Variants in CLCN6 observed in about 807,000 individuals in gnomAD.
CLCN6 encodes the protein H(+)/Cl(-) exchange transporter 6.
CLCN6 carries 70 observed loss-of-function variants against 109.8 expected under a neutral mutation model. That is an observed-to-expected ratio of 0.64 (90% confidence interval 0.53 to 0.78). CLCN6 has a LOEUF of 0.78. Ranked by LOEUF, CLCN6 falls within the 30% of genes least tolerant of loss-of-function variation. The probability of loss-of-function intolerance (pLI) is 0.00; values close to 1 mark genes in which losing one functional copy is unlikely to be tolerated. For synonymous variants in CLCN6, 444 were observed against 447.8 expected (o/e 0.99, Z 0.11); for missense variants, 984 against 1,142.3 (o/e 0.86, Z 2.00).
At chr1:11,821,014 T>G (rs1187239836) in intron 5 of CLCN6, among the ~76,000 whole-genome samples, 3 of 149,392 alleles carry the variant, frequency 2.0e-5, no homozygotes, top group Non-Finnish European at 4.4e-5. Flanking sequence ...AGACAGAGGC[T>G]GCAGTGAGCC....
chr1:11,838,498 C>T (rs1208544788), intron 21 of CLCN6, 37 bp from the exon 22 acceptor site: 4 of 1,606,482 alleles, frequency 2.5e-6, no homozygotes, highest in African/African-American at 1.3e-5. Context: ...ATGCCGTTGG[C>T]GTCTCAGGCA....
chr1:11,840,289 G>A lies in CLCN6; in HGVS notation c.*66G>A, dbSNP rs1417754697. The A allele has an allele frequency of 5.9e-6, 8 of 1,344,680 alleles. No individual in the cohort carries two copies. Among genetic ancestry groups the A allele is most frequent in the East Asian group, 2.3e-5 (1 of 43,662 alleles). The allele number at this position is 1,344,680 out of a possible 1,614,324, so 83.3% of individuals were successfully genotyped here. On this transcript the variant is annotated 3_prime_UTR_variant, in exon 23 of 23. Transcript: ENST00000346436. ...AATCATGCTCACTCCGGCGGGCACAGCTGGCTGGGGCTGTTCCGGGGCATG... is the reference window on the plus strand; with the variant it reads ...AATCATGCTCACTCCGGCGGGCACAACTGGCTGGGGCTGTTCCGGGGCATG...
Position 11,829,249 on chromosome 1 carries a change from C to T in CLCN6, c.1175C>T (p.Ala392Val), listed in dbSNP as rs538154661. 13 of 1,614,118 alleles carry T rather than the reference C, an allele frequency of 8.1e-6. No homozygotes were observed. The East Asian group carries it at 2.7e-4, about 33-fold the overall frequency. The change falls in exon 13 of 23, where the codon GCC becomes GTC. Residue 392 changes from alanine to valine, a missense_variant. Coordinates refer to ENST00000346436, the MANE Select transcript of CLCN6 (RefSeq NM_001286.5). ...GTAACCACCGTGGTGGTGTTTGTGGCCTCGATGGTGTTAGGAGAATGCCGA... is the reference window on the plus strand; with the variant it reads ...GTAACCACCGTGGTGGTGTTTGTGGTCTCGATGGTGTTAGGAGAATGCCGA... ...SLVTTVVVFV[A>V]SMVLGECRQM...
chr1:11,836,876 C>T, intron 18 of CLCN6, 123 bp from the exon 19 acceptor site: 4 of 1,094,672 alleles, frequency 3.7e-6, no homozygotes, highest in Non-Finnish European at 5.2e-6. Flanking sequence ...GAACCTCAGC[C>T]CCATTAAGTT....
rs777127139 is a variant in CLCN6 at position 11,807,147 on chromosome 1, C to T, written c.104C>T (p.Thr35Ile). ...TTTTTCTAGACCATCCTTGGAGAAA[C>T]ACAGGAGGAGGAGGATGAGATTCTT... ...TPEELTILGE[T>I]QEEEDEILPR... Residue 35 changes from threonine to isoleucine, a missense_variant, in exon 2 of 23, where the codon ACA (threonine) becomes ATA (isoleucine). Coordinates refer to ENST00000346436, the MANE Select transcript of CLCN6 (RefSeq NM_001286.5). 1.2e-6 allele frequency: 2 copies of T among 1,614,162 alleles called. No individual in the cohort carries two copies. The highest frequency in any genetic ancestry group is 2.2e-5 in the South Asian group (2 of 91,088).
chr1:11,829,045 G>A (rs527732381), intron 12 of CLCN6, 151 bp from the exon 13 acceptor site: 30 of 879,596 alleles, frequency 3.4e-5, no homozygotes, highest in Middle Eastern at 3.6e-4. Context: ...AGCAAATCAC[G>A]GATCAATTCT....
intron 5 of CLCN6, chr1:11,820,445 A>G: frequency 1.4e-6 from 1 of 711,046 alleles, no homozygotes; most frequent in Non-Finnish European, 2.6e-6. Context: ...AATTTCTTAA[A>G]ACTCCAGAAG....
At chr1:11,810,701 C>T (rs187147536) in intron 2 of CLCN6, among the ~76,000 whole-genome samples, 6 of 152,240 alleles carry the variant, frequency 3.9e-5, no homozygotes, top group Admixed American at 6.5e-5. Flanking sequence ...GTAACAGTAT[C>T]TGGTTTTAAT....
At position 11,842,188 on chromosome 1, in the gene CLCN6, G is replaced by A. The variant is rs1349406725; in HGVS notation, c.*1965G>A. On this transcript the variant is annotated 3_prime_UTR_variant, in exon 23 of 23. Transcript: ENST00000346436. ...CCCTGCAGGAGGACCCCGGCCTCTCGAGGGCTGGATCAGCAGCCGCCTGCC... is the reference window on the plus strand; with the variant it reads ...CCCTGCAGGAGGACCCCGGCCTCTCAAGGGCTGGATCAGCAGCCGCCTGCC... 6.6e-6 allele frequency: 1 copy of A among 152,234 alleles called. No homozygotes were observed. The highest frequency in any genetic ancestry group is 1.5e-5 in the Non-Finnish European group (1 of 68,036). The allele number at this position is 152,234 out of a possible 1,614,324, so 9.4% of individuals were successfully genotyped here. A position where few individuals can be genotyped will look rare whatever the true frequency, so the allele number is the denominator to read the frequency against.
chr1:11,817,693 G>A (rs1343326582), intron 4 of CLCN6, among the ~76,000 whole-genome samples: 2 of 152,190 alleles, frequency 1.3e-5, no homozygotes, highest in African/African-American at 4.8e-5. Context: ...GTAACAGCCT[G>A]TTGACCACCT....
Position 11,834,083 on chromosome 1 carries a change from C to T in CLCN6, c.1526+53C>T, listed in dbSNP as rs578061501. On this transcript the variant is annotated intron_variant, in intron 15 of 22. Coordinates refer to ENST00000346436, the MANE Select transcript of CLCN6 (RefSeq NM_001286.5). The surrounding 1 kb of genome is among the most constrained non-coding windows in gnomAD (Gnocchi z 4.5). ...GCATGTGCATGTGTGTGCACGTGTG[C>T]GTGTGTATGCATGTGTGTGCGTGTG... The T allele has an allele frequency of 2.4e-4, 377 of 1,601,262 alleles. No individual in the cohort carries two copies. In the African/African-American group the frequency reaches 4.1e-3, roughly 18 times the overall value.
At chr1:11,812,646 A>AG (rs201726378) in intron 2 of CLCN6, among the ~76,000 whole-genome samples, 6 of 121,148 alleles carry the variant, frequency 5.0e-5, no homozygotes, top group East Asian at 2.6e-4. Flanking sequence ...CTCAAAAAAA[A>AG]AAAAAGACAA....
At chr1:11,820,472 A>G in intron 5 of CLCN6, 1 of 692,924 alleles carries the variant, frequency 1.4e-6, no homozygotes, top group Non-Finnish European at 2.7e-6. Context: ...ACTATAAGAA[A>G]AAACATCAAT....
intron 2 of CLCN6, among the ~76,000 whole-genome samples, chr1:11,808,264 TGTGTG>T (rs1644550293): frequency 2.0e-5 from 3 of 146,562 alleles, no homozygotes; most frequent in Non-Finnish European, 4.5e-5. Context: ...TGTGTGTGTG[TGTGTG>T]TTTTAAAGTA....
chr1:11,812,316 C>T (rs143551216), intron 2 of CLCN6, among the ~76,000 whole-genome samples: 182 of 152,314 alleles, frequency 1.2e-3, no homozygotes, highest in African/African-American at 4.1e-3. Context: ...ATTCAAGGAA[C>T]GTGGGAGGGG....
At chr1:11,825,473 G>A (rs1425359893) in intron 8 of CLCN6, among the ~76,000 whole-genome samples, 1 of 152,184 alleles carries the variant, frequency 6.6e-6, no homozygotes, top group Admixed American at 6.5e-5. Flanking sequence ...CAGCTTCCGC[G>A]TCCCCTTCCC....
At chr1:11,808,220 T>C (rs1644547486) in intron 2 of CLCN6, among the ~76,000 whole-genome samples, 1 of 123,328 alleles carries the variant, frequency 8.1e-6, no homozygotes. Context: ...TGTATGTGTG[T>C]GTGTGTTTGT....
Position 11,837,147 on chromosome 1 carries a change from T to C in CLCN6, c.2129T>C (p.Leu710Pro). ...AAGGAGGACCTCCTGCAGCAGATGC[T>C]GGAAAGGAGGTGAGAGCCTGGCGGG... Reference protein sequence around the residue: ...AEKEDLLQQMLERRYTPYPNL... With the variant: ...AEKEDLLQQMPERRYTPYPNL... Residue 710 changes from leucine (L) to proline (P), a missense_variant, in exon 19 of 23, where the codon CTG (leucine) becomes CCG (proline). Coordinates refer to ENST00000346436, the MANE Select transcript of CLCN6 (RefSeq NM_001286.5). The C allele has an allele frequency of 1.2e-6, 2 of 1,612,450 alleles. No individual in the cohort carries two copies. Among genetic ancestry groups the C allele is most frequent in the Non-Finnish European group, 1.7e-6 (2 of 1,179,866 alleles).
Position 11,840,211 on chromosome 1 carries a change from C to G in CLCN6, c.2598C>G (p.Tyr866Ter), listed in dbSNP as rs1394891526. 1.2e-6 allele frequency: 2 copies of G among 1,612,852 alleles called. No individual in the cohort carries two copies. The highest frequency in any genetic ancestry group is 1.7e-6 in the Non-Finnish European group (2 of 1,179,912). Residue 866 changes from tyrosine (Y) to a stop codon, truncating the protein, a stop_gained, in exon 23 of 23, where the codon TAC becomes TAG. Transcript: ENST00000346436. LOFTEE classifies it high-confidence loss of function. Reference sequence around the variant, plus strand: ...TGCAGGCCCGGCTGAGGCAGCACTACCAGACCATCTGACAGCCCAGCCCAC... The same window carrying G: ...TGCAGGCCCGGCTGAGGCAGCACTAGCAGACCATCTGACAGCCCAGCCCAC... ...EFLQARLRQH[Y>*]QTI
Sources: allele counts gnomAD v4.1 joint callset (sites outside exome capture counted in the v4.1 genomes callset), GRCh38; gene constraint gnomAD v4.1.1; non-coding constraint Gnocchi (gnomAD v3.1); transcripts MANE v1.5; gene names NCBI Gene and HGNC (gene_info 2026-07-23, HGNC 2026-07-21).